ATP6V1C2: variants seen among roughly 807,000 people sequenced by gnomAD.
The protein encoded by ATP6V1C2 is ATPase H+ transporting V1 subunit C2.
A neutral mutation model predicts 56.8 loss-of-function variants in ATP6V1C2; 45 were observed. The ratio of observed to expected loss-of-function variants is 0.79; its 90% CI spans 0.62 to 1.02. The LOEUF (loss-of-function observed/expected upper bound fraction) is 1.02, where lower values mean the gene tolerates loss of function less well. Among genes scored for constraint, ATP6V1C2 ranks in the 50% least tolerant of loss-of-function variants. The pLI is 0.00. For synonymous variants in ATP6V1C2, 220 were observed against 201.3 expected (o/e 1.09, Z -0.79); for missense variants, 463 against 519.7 (o/e 0.89, Z 1.06).
At chr2:10,742,820 G>T (rs2029427) in intron 3 of ATP6V1C2, among the ~76,000 whole-genome samples, 1 of 152,166 alleles carries the variant, frequency 6.6e-6, no homozygotes, top group South Asian at 2.1e-4. Flanking sequence ...GGGCACGTTC[G>T]GTACAGACCT....
intron 10 of ATP6V1C2, 92 bp downstream of exon 10, chr2:10,775,163 C>T (rs1221983234): frequency 4.2e-6 from 4 of 954,126 alleles, no homozygotes; most frequent in African/African-American, 3.3e-5. Context: ...CCTCCTCCCT[C>T]TCATTGTCCC....
At chr2:10,754,170 C>G in intron 4 of ATP6V1C2, 104 bp downstream of exon 4, 1 of 874,482 alleles carries the variant, frequency 1.1e-6, no homozygotes, top group Non-Finnish European at 1.8e-6. Flanking sequence ...TGGCCCAGGT[C>G]TCAGTGGATG....
chr2:10,724,221 CA>C (rs1331834318), intron 2 of ATP6V1C2, among the ~76,000 whole-genome samples: 2 of 152,198 alleles, frequency 1.3e-5, no homozygotes, highest in African/African-American at 2.4e-5. Context: ...AGAAAACTGC[CA>C]TATACTCCCT....
chr2:10,760,708 C>T (rs187443230), intron 4 of ATP6V1C2, among the ~76,000 whole-genome samples: 166 of 152,270 alleles, frequency 1.1e-3, no homozygotes, highest in Admixed American at 2.2e-3. Flanking sequence ...CCACATGCAC[C>T]CCATGGTCTT....
At chr2:10,729,699 T>G (rs1469617315) in intron 3 of ATP6V1C2, among the ~76,000 whole-genome samples, 1 of 152,038 alleles carries the variant, frequency 6.6e-6, no homozygotes, top group Non-Finnish European at 1.5e-5. Context: ...CTACAAAAAG[T>G]AAAAAATACT....
In ATP6V1C2 at chr2:10,725,394, C is replaced by A. The variant is rs73169951; in HGVS notation, c.130-1108C>A. Among the ~76,000 whole-genome samples, 663 of 144,526 alleles carry A rather than the reference C, an allele frequency of 4.6e-3. 8 individuals are homozygous for A. Among genetic ancestry groups the A allele is most frequent in the African/African-American group, 0.013 (513 of 39,296 alleles). 94.8% of individuals were successfully genotyped at this position (144,526 alleles called of 152,430 possible). A position where few individuals can be genotyped will look rare whatever the true frequency, so the allele number is the denominator to read the frequency against. ...CTCAAAAAATAAAAAACAACAACAA[C>A]AAAAAAAACAGATCATAAGTTCTCT... On this transcript the variant is annotated intron_variant, in intron 2 of 13. Coordinates refer to ENST00000272238, the MANE Select transcript of ATP6V1C2 (RefSeq NM_001039362.2).
intron 3 of ATP6V1C2, among the ~76,000 whole-genome samples, chr2:10,742,209 T>C (rs147786002): frequency 1.4e-4 from 22 of 152,276 alleles, no homozygotes; most frequent in Non-Finnish European, 2.2e-4. Flanking sequence ...CACGCTGGCC[T>C]TTCTGGGTAA....
At chr2:10,776,859 C>T (rs1335294576) in intron 10 of ATP6V1C2, among the ~76,000 whole-genome samples, 3 of 152,180 alleles carry the variant, frequency 2.0e-5, no homozygotes, top group African/African-American at 7.2e-5. Flanking sequence ...AGCCTTCGCC[C>T]ACACCACCCT....
intron 10 of ATP6V1C2, among the ~76,000 whole-genome samples, chr2:10,776,714 G>A (rs1033776680): frequency 6.6e-6 from 1 of 152,210 alleles, no homozygotes; most frequent in African/African-American, 2.4e-5. Flanking sequence ...GGGACAGGTG[G>A]CGAAGCAGGG....
At chr2:10,774,207 A>G (rs1664811438) in intron 8 of ATP6V1C2, among the ~76,000 whole-genome samples, 1 of 152,230 alleles carries the variant, frequency 6.6e-6, no homozygotes, top group African/African-American at 2.4e-5. Context: ...CCCTGCCAGC[A>G]TGCCAGCATG....
chr2:10,756,649 C>T (rs62128994), intron 4 of ATP6V1C2, among the ~76,000 whole-genome samples: 3 of 151,948 alleles, frequency 2.0e-5, no homozygotes, highest in South Asian at 2.1e-4. Flanking sequence ...ACCTGGGAGG[C>T]GGAGGTTGCA....
intron 3 of ATP6V1C2, 35 bp from the exon 4 acceptor site, chr2:10,753,946 T>C: frequency 1.3e-6 from 2 of 1,555,602 alleles, no homozygotes; most frequent in South Asian, 1.2e-5. Flanking sequence ...GACAGCTTCC[T>C]ACTCTAACCG....
chr2:10,763,080 G>A lies in ATP6V1C2; in HGVS notation c.284-1251G>A, dbSNP rs975311158. Among the ~76,000 whole-genome samples, 2 of 152,134 alleles carry A rather than the reference G, an allele frequency of 1.3e-5. No individual in the cohort carries two copies. Among genetic ancestry groups the A allele is most frequent in the African/African-American group, 4.8e-5 (2 of 41,400 alleles). On this transcript the variant is annotated intron_variant, in intron 4 of 13. Coordinates refer to ENST00000272238, the MANE Select transcript of ATP6V1C2 (RefSeq NM_001039362.2). The surrounding 1 kb of genome is among the most constrained non-coding windows in gnomAD (Gnocchi z 4.2). The stretch of plus-strand genomic sequence containing the variant: ...TCCCGTGCTAGGGGCTGAGTGGGCG[G>A]GATCTAGTGTTGTTTTGGCACGTGG...
At chr2:10,768,655 C>A in intron 5 of ATP6V1C2, 64 bp from the exon 6 acceptor site, 1 of 1,378,190 alleles carries the variant, frequency 7.3e-7, no homozygotes, top group Non-Finnish European at 1.0e-6. Flanking sequence ...GTGGCCATTT[C>A]AAAAAGTTCA....
chr2:10,772,439 A>ACCTTCAGG, intron 7 of ATP6V1C2, 103 bp from the exon 8 acceptor site: 1 of 977,470 alleles, frequency 1.0e-6, no homozygotes, highest in Non-Finnish European at 1.7e-6. Flanking sequence ...ATCCCTGCTC[A>ACCTTCAGG]CCTTCAGGCC....
Position 10,784,750 on chromosome 2 carries a change from A to T in ATP6V1C2, c.*1487A>T. On this transcript the variant is annotated 3_prime_UTR_variant, in exon 14 of 14. Transcript: ENST00000272238. Reference sequence around the variant, plus strand: ...TTGGCTGTCAAGAGTATCAAATGCCATGCAGCACTTAAACTTGTGATAAGG... The same window carrying T: ...TTGGCTGTCAAGAGTATCAAATGCCTTGCAGCACTTAAACTTGTGATAAGG... The T allele has an allele frequency of 1.7e-6, 1 of 572,302 alleles. No homozygotes were observed. Among genetic ancestry groups the T allele is most frequent in the Middle Eastern group, 4.6e-4 (1 of 2,166 alleles). 35.5% of individuals were successfully genotyped at this position (572,302 alleles called of 1,614,324 possible). A position where few individuals can be genotyped will look rare whatever the true frequency, so the allele number is the denominator to read the frequency against.
chr2:10,778,774 T>C, intron 12 of ATP6V1C2, 105 bp downstream of exon 12: 1 of 1,087,026 alleles, frequency 9.2e-7, no homozygotes, highest in Non-Finnish European at 1.4e-6. Flanking sequence ...CCTCCACCCG[T>C]CTCCTTTCTG....
chr2:10,745,044 T>TC (rs200774222), intron 3 of ATP6V1C2, among the ~76,000 whole-genome samples: 271 of 146,306 alleles, frequency 1.9e-3, no homozygotes, highest in East Asian at 4.5e-3. Context: ...TTATTTTCTT[T>TC]TTTTTTTTTT....
intron 11 of ATP6V1C2, among the ~76,000 whole-genome samples, chr2:10,778,239 A>C (rs1665124072): frequency 6.6e-6 from 1 of 152,184 alleles, no homozygotes; most frequent in Admixed American, 6.5e-5. Flanking sequence ...GCCTCTGAGA[A>C]GGTGGGCTCC....
Sources: allele counts gnomAD v4.1 joint callset (sites outside exome capture counted in the v4.1 genomes callset), GRCh38; gene constraint gnomAD v4.1.1; non-coding constraint Gnocchi (gnomAD v3.1); transcripts MANE v1.5; gene names NCBI Gene and HGNC (gene_info 2026-07-23, HGNC 2026-07-21).